Variants in XPO4 observed in about 807,000 individuals in gnomAD.
The protein encoded by XPO4 is exportin-4.
Under a neutral mutation model 143.0 loss-of-function variants are expected in XPO4, and 39 were observed. The ratio of observed to expected loss-of-function variants is 0.27; its 90% confidence interval spans 0.21 to 0.36. The LOEUF is 0.36. Among genes scored for constraint, XPO4 ranks in the 10% least tolerant of loss-of-function variants. XPO4 has a pLI of 1.00. For missense variants in XPO4, 907 were observed against 1,348.0 expected, an observed-to-expected ratio of 0.67 and a Z score of 5.12; for synonymous variants, 439 against 474.0, an observed-to-expected ratio of 0.93 and a Z score of 0.96.
intron 1 of XPO4, among the ~76,000 whole-genome samples, chr13:20,874,849 C>T (rs143154954): frequency 2.0e-5 from 3 of 152,158 alleles, no homozygotes; most frequent in African/African-American, 7.2e-5. Context: ...AAAAATTAGC[C>T]GGGCATGATG....
chr13:20,796,069 A>AT lies in XPO4; in HGVS notation c.2797+6dup. Reference sequence around the variant, plus strand: ...CAAAGTTTAAAAACCATCACGTTACATTTTACCTGTATCACTGAAATCTAT... The same window carrying AT: ...CAAAGTTTAAAAACCATCACGTTACATTTTTACCTGTATCACTGAAATCTAT... On this transcript the variant is annotated splice_region_variant and intron_variant, in intron 18 of 22. Transcript: ENST00000255305. The AT allele has an allele frequency of 6.2e-7, 1 of 1,607,658 alleles. No individual in the cohort carries two copies. The highest frequency in any genetic ancestry group is 8.5e-7 in the Non-Finnish European group (1 of 1,176,706).
intron 6 of XPO4, among the ~76,000 whole-genome samples, chr13:20,831,144 A>T (rs1055098049): frequency 6.6e-6 from 1 of 152,142 alleles, no homozygotes; most frequent in Admixed American, 6.6e-5. Flanking sequence ...TCTACCCCAG[A>T]TAATTCTTAA....
intron 2 of XPO4, chr13:20,865,648 A>T: frequency 4.3e-6 from 4 of 931,574 alleles, no homozygotes; most frequent in Non-Finnish European, 5.1e-6. Context: ...TAAAGTTAAT[A>T]ATACAGGAAA....
In XPO4 at chr13:20,781,786, T is replaced by A. The variant is rs1419466076; in HGVS notation, c.*1936A>T. ...TAGCACACACACAGATACACATAATTCACAACAGCTGAGAAAGCTTGAGGG... is the reference window on the plus strand; with the variant it reads ...TAGCACACACACAGATACACATAATACACAACAGCTGAGAAAGCTTGAGGG... On this transcript the variant is annotated 3_prime_UTR_variant, in exon 23 of 23. Transcript: ENST00000255305. The A allele has an allele frequency of 6.6e-6, 1 of 152,022 alleles. No individual in the cohort carries two copies. Among genetic ancestry groups the A allele is most frequent in the African/African-American group, 2.4e-5 (1 of 41,382 alleles). The allele number at this position is 152,022 out of a possible 1,614,324, so 9.4% of individuals were successfully genotyped here.
rs149999918 is a variant in XPO4, at chr13:20,852,566, A to G, written c.456+3061T>C. The G allele has an allele frequency of 1.4e-5, 14 of 983,316 alleles. No homozygotes were observed. In the African/African-American group the frequency reaches 2.4e-4, roughly 17 times the overall value. The allele number at this position is 983,316 out of a possible 1,614,324, so 60.9% of individuals were successfully genotyped here. A position where few individuals can be genotyped will look rare whatever the true frequency, so the allele number is the denominator to read the frequency against. ...TGAAGCATCAGCATCTCATGAACAA[A>G]TCTTATAATATTTGGTAATATTATA... On this transcript the variant is annotated intron_variant, in intron 4 of 22. Transcript: ENST00000255305.
At position 20,860,540 on chromosome 13, in the gene XPO4, A is replaced by G. The variant is rs1439063179; in HGVS notation, c.317+2177T>C. On this transcript the variant is annotated intron_variant, in intron 3 of 22. Coordinates refer to ENST00000255305, the MANE Select transcript of XPO4 (RefSeq NM_022459.5). Reference sequence around the variant, plus strand: ...GATGTGTCTGAATTACATTGTGTGCAAAACAACAAACAAAATAACAAGCAC... The same window carrying G: ...GATGTGTCTGAATTACATTGTGTGCGAAACAACAAACAAAATAACAAGCAC... Among the ~76,000 whole-genome samples, 5 of 152,230 alleles carry G rather than the reference A, an allele frequency of 3.3e-5. No homozygotes were observed. In the East Asian group the frequency reaches 9.6e-4, roughly 29 times the overall value.
At chr13:20,799,143 T>C in intron 16 of XPO4, 22 bp downstream of exon 16, 2 of 1,545,682 alleles carry the variant, frequency 1.3e-6, no homozygotes, top group Non-Finnish European at 1.8e-6. Context: ...AAGGGTGCAA[T>C]CAAAATAGAC....
intron 9 of XPO4, among the ~76,000 whole-genome samples, chr13:20,812,791 T>C (rs1271485348): frequency 2.6e-5 from 4 of 152,182 alleles, no homozygotes; most frequent in African/African-American, 9.7e-5. Context: ...ACAAGGCACA[T>C]GGAAACTCTC....
chr13:20,832,227 TTC>T (rs1444710589), intron 6 of XPO4, among the ~76,000 whole-genome samples: 3 of 152,170 alleles, frequency 2.0e-5, no homozygotes, highest in Non-Finnish European at 4.4e-5. Context: ...CTACTAAATC[TTC>T]TGTCTCAAGT....
At chr13:20,858,958 T>C (rs1035993504) in intron 3 of XPO4, among the ~76,000 whole-genome samples, 2 of 150,582 alleles carry the variant, frequency 1.3e-5, no homozygotes, top group African/African-American at 4.9e-5. Flanking sequence ...ATGTGAGCTA[T>C]TTCAATGTGG....
At chr13:20,892,017 T>G (rs570283867) in intron 1 of XPO4, among the ~76,000 whole-genome samples, 2 of 146,570 alleles carry the variant, frequency 1.4e-5, no homozygotes, top group Non-Finnish European at 3.0e-5. Context: ...ATCTGACAAG[T>G]TTTTTTTTGT....
intron 1 of XPO4, among the ~76,000 whole-genome samples, chr13:20,879,951 A>C (rs1458939946): frequency 6.6e-6 from 1 of 152,262 alleles, no homozygotes; most frequent in African/African-American, 2.4e-5. Flanking sequence ...TAAATAGCCA[A>C]GAAGCACATG....
At chr13:20,804,248 TACAC>T (rs1406112269) in intron 13 of XPO4, among the ~76,000 whole-genome samples, 1 of 150,636 alleles carries the variant, frequency 6.6e-6, no homozygotes, top group African/African-American at 2.4e-5. Flanking sequence ...TATATATATA[TACAC>T]ACACACACAT....
intron 1 of XPO4, among the ~76,000 whole-genome samples, chr13:20,891,507 C>G (rs963820954): frequency 6.6e-6 from 1 of 152,094 alleles, no homozygotes; most frequent in African/African-American, 2.4e-5. Flanking sequence ...TATGTTAAAT[C>G]ATTTTATCTT....
chr13:20,857,769 G>T, intron 3 of XPO4: 2 of 853,400 alleles, frequency 2.3e-6, no homozygotes, highest in Non-Finnish European at 2.8e-6. Flanking sequence ...AATGCACAAA[G>T]AAGTAATCTG....
chr13:20,855,476 A>AT, intron 4 of XPO4, 151 bp downstream of exon 4: 1 of 811,194 alleles, frequency 1.2e-6, no homozygotes, highest in Non-Finnish European at 1.7e-6. Context: ...AAAAAAAAAA[A>AT]GACTAGAAGA....
chr13:20,830,551 T>C (rs1168173036), intron 6 of XPO4, among the ~76,000 whole-genome samples: 1 of 152,192 alleles, frequency 6.6e-6, no homozygotes, highest in Non-Finnish European at 1.5e-5. Flanking sequence ...ATTATACTTT[T>C]CATAGGACAC....
rs1264677754 is a variant in XPO4, at chr13:20,845,488, A to ACT, written c.457-1603_457-1602insAG. 7.9e-5 allele frequency among the ~76,000 whole-genome samples: 12 copies of ACT among 152,282 alleles called. No homozygotes were observed. The East Asian group carries it at 1.9e-3, about 25-fold the overall frequency. On this transcript the variant is annotated intron_variant, in intron 4 of 22. Transcript: ENST00000255305. Reference sequence around the variant, plus strand: ...CCCTTCCTCCCAAAATCTTCAAGAAACCCATTTAACTGCCTTTGTATGGCC... The same window carrying ACT: ...CCCTTCCTCCCAAAATCTTCAAGAAACTCCCATTTAACTGCCTTTGTATGGCC...
intron 1 of XPO4, among the ~76,000 whole-genome samples, chr13:20,875,297 T>C (rs1214947729): frequency 6.6e-6 from 1 of 152,174 alleles, no homozygotes; most frequent in African/African-American, 2.4e-5. Context: ...AAATTTGCCA[T>C]AACAATATTT....
Sources: gnomAD v4.1 joint callset for allele counts (sites outside exome capture counted in the v4.1 genomes callset) on GRCh38, gnomAD v4.1.1 for gene constraint, MANE v1.5 for transcripts, NCBI Gene and HGNC (gene_info 2026-07-23, HGNC 2026-07-21) for gene names.